Variants in ASAP2 observed in about 807,000 individuals in gnomAD.
ASAP2 encodes arf-GAP with SH3 domain, ANK repeat and PH domain-containing protein 2.
A neutral mutation model predicts 131.4 loss-of-function variants in ASAP2; 45 were observed. The ratio of observed to expected loss-of-function variants is 0.34; its 90% CI spans 0.27 to 0.44. The LOEUF (loss-of-function observed/expected upper bound fraction) is 0.44. Among genes scored for constraint, ASAP2 ranks in the 20% least tolerant of loss-of-function variants. The pLI is 1.00. For missense variants in ASAP2, 1,011 were observed against 1,297.0 expected (o/e 0.78, Z 3.39); for synonymous variants, 510 against 503.0 (o/e 1.01, Z -0.19).
intron 3 of ASAP2, among the ~76,000 whole-genome samples, chr2:9,315,785 A>G (rs935713806): frequency 1.2e-4 from 19 of 152,188 alleles, no homozygotes; most frequent in African/African-American, 4.6e-4. Context: ...GCTTTTCAGC[A>G]TTTAAAAATT....
intron 1 of ASAP2, among the ~76,000 whole-genome samples, chr2:9,264,415 G>T (rs1304800608): frequency 6.6e-5 from 10 of 152,208 alleles, no homozygotes; most frequent in East Asian, 5.8e-4. Context: ...GGCATTTCCA[G>T]TGTGTCCGGG....
chr2:9,215,892 T>G (rs1239587179), intron 1 of ASAP2, among the ~76,000 whole-genome samples: 21 of 152,302 alleles, frequency 1.4e-4, no homozygotes, highest in Non-Finnish European at 1.3e-4. Context: ...TGGGGTGCCC[T>G]CTGTTCTTTC....
intron 1 of ASAP2, among the ~76,000 whole-genome samples, chr2:9,250,168 G>A (rs1032075534): frequency 7.9e-5 from 12 of 152,322 alleles, no homozygotes; most frequent in African/African-American, 2.4e-4. Context: ...GAAACTGCCA[G>A]GATCATTTTT....
At chr2:9,360,505 C>T (rs929527799) in intron 15 of ASAP2, among the ~76,000 whole-genome samples, 12 of 152,178 alleles carry the variant, frequency 7.9e-5, no homozygotes, top group African/African-American at 2.7e-4. Flanking sequence ...TTAAACATCT[C>T]TACTGTCCTT....
At chr2:9,236,174 G>C (rs1663540257) in intron 1 of ASAP2, among the ~76,000 whole-genome samples, 1 of 152,016 alleles carries the variant, frequency 6.6e-6, no homozygotes, top group Non-Finnish European at 1.5e-5. Flanking sequence ...CACCTGGACT[G>C]CTTTGGGGCC....
At chr2:9,233,763 T>C (rs1663338348) in intron 1 of ASAP2, among the ~76,000 whole-genome samples, 1 of 152,224 alleles carries the variant, frequency 6.6e-6, no homozygotes, top group Admixed American at 6.5e-5. Flanking sequence ...TAAATGGATT[T>C]AATCCTTACA....
rs1020463949 is a variant in ASAP2 at position 9,356,233 on chromosome 2, G to A, written c.1215G>A (p.Lys405=). Residue 405 remains lysine, a synonymous_variant, in exon 14 of 28, where the codon AAG becomes AAA. Transcript: ENST00000281419. ...AAGAAGCTTTAAACAATGCATTTAAGGGGGATGACAATACTGGAGAAAATA... is the reference window on the plus strand; with the variant it reads ...AAGAAGCTTTAAACAATGCATTTAAAGGGGATGACAATACTGGAGAAAATA... ...SKEEALNNAF[K]GDDNTGENNI... The A allele has an allele frequency of 5.0e-6, 8 of 1,614,132 alleles. No homozygotes were observed. In the Admixed American group the frequency reaches 1.0e-4, roughly 20 times the overall value.
chr2:9,335,530 C>T (rs1671149965), intron 9 of ASAP2, among the ~76,000 whole-genome samples: 1 of 152,220 alleles, frequency 6.6e-6, no homozygotes, highest in South Asian at 2.1e-4. Flanking sequence ...CCTACCCTGA[C>T]ATACGTGGAC....
chr2:9,365,418 A>G (rs1673395954), intron 15 of ASAP2, among the ~76,000 whole-genome samples: 1 of 152,214 alleles, frequency 6.6e-6, no homozygotes, highest in South Asian at 2.1e-4. Flanking sequence ...GGGGTGAGTC[A>G]GAGAAGAATG....
At chr2:9,282,041 C>T (rs1667160588) in intron 2 of ASAP2, among the ~76,000 whole-genome samples, 1 of 152,194 alleles carries the variant, frequency 6.6e-6, no homozygotes, top group South Asian at 2.1e-4. Context: ...ATAGCATTTG[C>T]CACTTTATGA....
intron 1 of ASAP2, among the ~76,000 whole-genome samples, chr2:9,245,763 C>T (rs531201903): frequency 3.3e-5 from 5 of 152,010 alleles, no homozygotes; most frequent in Admixed American, 6.6e-5. Context: ...ATGCATTAGT[C>T]GGTTCGTCGT....
intron 7 of ASAP2, among the ~76,000 whole-genome samples, chr2:9,334,201 G>GTT (rs111579113): frequency 0.14 from 17,613 of 129,216 alleles, 1,286 homozygotes; most frequent in Non-Finnish European, 0.16. Flanking sequence ...TTTTGTATTT[G>GTT]TTTTTTTTTT....
At chr2:9,211,466 T>G (rs1465974325) in intron 1 of ASAP2, among the ~76,000 whole-genome samples, 1 of 152,224 alleles carries the variant, frequency 6.6e-6, no homozygotes, top group Non-Finnish European at 1.5e-5. Context: ...TATACATATT[T>G]GGAATATTCA....
chr2:9,378,372 C>G (rs1674562093), intron 18 of ASAP2, among the ~76,000 whole-genome samples: 1 of 152,214 alleles, frequency 6.6e-6, no homozygotes, highest in Non-Finnish European at 1.5e-5. Context: ...TCTCAAGATT[C>G]CCCTTTAGCC....
At chr2:9,330,519 A>G (rs564621089) in intron 7 of ASAP2, among the ~76,000 whole-genome samples, 6 of 152,330 alleles carry the variant, frequency 3.9e-5, no homozygotes, top group African/African-American at 7.2e-5. Context: ...CACCAGGCCT[A>G]TAACAAAACT....
chr2:9,347,600 T>C (rs1208092203), intron 11 of ASAP2, among the ~76,000 whole-genome samples: 1 of 152,144 alleles, frequency 6.6e-6, no homozygotes, highest in Non-Finnish European at 1.5e-5. Context: ...ATGAAGTTGT[T>C]GTATTCTGAT....
chr2:9,367,869 CT>C (rs1325681794), intron 15 of ASAP2, among the ~76,000 whole-genome samples: 1 of 152,242 alleles, frequency 6.6e-6, no homozygotes, highest in Non-Finnish European at 1.5e-5. Flanking sequence ...TTTCAGTTTA[CT>C]GTTTTCACCT....
chr2:9,298,551 C>G (rs1668290306), intron 3 of ASAP2, among the ~76,000 whole-genome samples: 1 of 152,362 alleles, frequency 6.6e-6, no homozygotes, highest in South Asian at 2.1e-4. Context: ...CATCCTTATC[C>G]TAGAGTGGCG....
At chr2:9,316,269 C>T (rs1669666129) in intron 3 of ASAP2, among the ~76,000 whole-genome samples, 1 of 151,746 alleles carries the variant, frequency 6.6e-6, no homozygotes, top group Admixed American at 6.6e-5. Context: ...CTGAAGTGCC[C>T]TCCAACCTGG....
Sources: allele counts gnomAD v4.1 joint callset (sites outside exome capture counted in the v4.1 genomes callset), GRCh38; gene constraint gnomAD v4.1.1; transcripts MANE v1.5; gene names NCBI Gene and HGNC (gene_info 2026-07-23, HGNC 2026-07-21).